Variants in RARB observed in about 807,000 individuals in gnomAD.
RARB encodes the protein HBV-activated protein.
RARB carries 17 observed loss-of-function variants against 51.9 expected under a neutral mutation model. The ratio of observed to expected loss-of-function variants is 0.33; its 90% CI spans 0.22 to 0.49. The LOEUF (loss-of-function observed/expected upper bound fraction) is 0.49, where lower values mean the gene tolerates loss of function less well. RARB is among the 20% of genes least tolerant of loss of function. The pLI, the probability that RARB is intolerant of heterozygous loss-of-function variation, is 0.99. For missense variants in RARB, 369 were observed against 550.8 expected (o/e 0.67, Z 3.30); for synonymous variants, 215 against 195.4 (o/e 1.10, Z -0.84).
chr3:25,435,432 A>G (rs1448985337), intron 1 of RARB, among the ~76,000 whole-genome samples: 1 of 152,226 alleles, frequency 6.6e-6, no homozygotes, highest in African/African-American at 2.4e-5. Flanking sequence ...CAACGGCTAC[A>G]GTACCTTTGT....
chr3:25,410,107 C>G (rs1293800503), intron 5 of RARB, among the ~76,000 whole-genome samples: 1 of 152,162 alleles, frequency 6.6e-6, no homozygotes, highest in African/African-American at 2.4e-5. Flanking sequence ...AGATTTTGTA[C>G]TTTGGCCAAA....
At chr3:25,036,356 T>C (rs997004921) in intron 2 of RARB, among the ~76,000 whole-genome samples, 2 of 152,168 alleles carry the variant, frequency 1.3e-5, no homozygotes, top group African/African-American at 4.8e-5. Context: ...CATATGTCTG[T>C]AGCGCCAAAT....
At chr3:25,173,803 A>G (rs1700690691) in intron 4 of RARB, among the ~76,000 whole-genome samples, 2 of 152,214 alleles carry the variant, frequency 1.3e-5, no homozygotes, top group Non-Finnish European at 2.9e-5. Context: ...AGACAAAAAC[A>G]AACACTCCCA....
In RARB at chr3:25,252,387, A is replaced by G. The variant is rs112531152; in HGVS notation, c.178+77812A>G. On this transcript the variant is annotated intron_variant, in intron 5 of 11. Coordinates refer to the RARB transcript ENST00000383772. ...TCAGCTTGTCAATTTCTGTAAAAAA[A>G]CCAGCTAGGATTTTGATAGGGGTTG... Among the ~76,000 whole-genome samples the G allele has an allele frequency of 2.8e-3, 427 of 152,270 alleles. 3 individuals are homozygous for G. Among genetic ancestry groups the G allele is most frequent in the African/African-American group, 9.9e-3 (412 of 41,586 alleles).
At chr3:25,120,378 C>T (rs1159610497) in intron 3 of RARB, among the ~76,000 whole-genome samples, 4 of 152,078 alleles carry the variant, frequency 2.6e-5, no homozygotes, top group Non-Finnish European at 5.9e-5. Context: ...AGAGTAAAGC[C>T]ATGTCCTCCA....
At chr3:25,516,828 T>C (rs1347861654) in intron 3 of RARB, among the ~76,000 whole-genome samples, 5 of 152,172 alleles carry the variant, frequency 3.3e-5, no homozygotes, top group African/African-American at 1.2e-4. Context: ...GGTTTTGCCA[T>C]GTTGGCCAGG....
At chr3:25,125,288 T>G (rs1439556691) in intron 3 of RARB, among the ~76,000 whole-genome samples, 1 of 152,200 alleles carries the variant, frequency 6.6e-6, no homozygotes, top group Non-Finnish European at 1.5e-5. Flanking sequence ...TTAACACTTT[T>G]GTGTATTCAT....
At chr3:24,867,065 C>G (rs1159468808) in intron 2 of RARB, among the ~76,000 whole-genome samples, 1 of 152,098 alleles carries the variant, frequency 6.6e-6, no homozygotes, top group Non-Finnish European at 1.5e-5. Context: ...AAAGGCCAAG[C>G]TTAGGTTCTA....
intron 2 of RARB, among the ~76,000 whole-genome samples, chr3:24,866,431 T>A (rs183871123): frequency 1.3e-5 from 2 of 152,148 alleles, no homozygotes; most frequent in African/African-American, 4.8e-5. Context: ...TAATGACCCG[T>A]TGTAACACAA....
At chr3:24,991,168 C>T (rs529407854) in intron 2 of RARB, among the ~76,000 whole-genome samples, 85 of 152,306 alleles carry the variant, frequency 5.6e-4, no homozygotes, top group African/African-American at 2.0e-3. Flanking sequence ...GGGTTAGGCA[C>T]GGTGACTCAC....
At chr3:25,254,980 C>T (rs759433818) in intron 5 of RARB, among the ~76,000 whole-genome samples, 1 of 152,154 alleles carries the variant, frequency 6.6e-6, no homozygotes, top group African/African-American at 2.4e-5. Context: ...CAGTACCTGA[C>T]ACCTACGACA....
At chr3:25,522,282 C>G (rs1221449486) in intron 3 of RARB, among the ~76,000 whole-genome samples, 1 of 152,036 alleles carries the variant, frequency 6.6e-6, no homozygotes, top group East Asian at 1.9e-4. Context: ...TTTCTATGTC[C>G]CTTGCCAGTA....
At chr3:25,559,723 G>C (rs548189195) in intron 3 of RARB, among the ~76,000 whole-genome samples, 1 of 152,272 alleles carries the variant, frequency 6.6e-6, no homozygotes, top group South Asian at 2.1e-4. Flanking sequence ...TTGATGAATG[G>C]ACAGAGATAG....
At chr3:24,874,306 G>A (rs1393161276) in intron 2 of RARB, among the ~76,000 whole-genome samples, 2 of 151,994 alleles carry the variant, frequency 1.3e-5, no homozygotes, top group Non-Finnish European at 2.9e-5. Flanking sequence ...AATATATACT[G>A]TTTTGTGCTA....
chr3:24,938,867 G>A (rs1345325939), intron 2 of RARB, among the ~76,000 whole-genome samples: 1 of 152,060 alleles, frequency 6.6e-6, no homozygotes, highest in African/African-American at 2.4e-5. Flanking sequence ...TGTTTTCAAG[G>A]CTCATCAATG....
intron 1 of RARB, among the ~76,000 whole-genome samples, chr3:25,459,620 C>T (rs190916867): frequency 4.2e-4 from 64 of 152,056 alleles, no homozygotes; most frequent in African/African-American, 1.4e-3. Context: ...TTGTGAGAGG[C>T]GATGGTGGAT....
At chr3:24,830,343 G>A (rs1157883298) in intron 1 of RARB, among the ~76,000 whole-genome samples, 2 of 151,066 alleles carry the variant, frequency 1.3e-5, no homozygotes, top group Non-Finnish European at 3.0e-5. Flanking sequence ...TCCCGGAGGT[G>A]GGGGTGGGGG....
At chr3:25,547,380 A>G (rs1699659375) in intron 3 of RARB, among the ~76,000 whole-genome samples, 1 of 152,222 alleles carries the variant, frequency 6.6e-6, no homozygotes, top group Admixed American at 6.5e-5. Flanking sequence ...ATTTCAGCAG[A>G]CTAATGGATG....
At chr3:24,997,165 A>G (rs2125272971) in intron 2 of RARB, among the ~76,000 whole-genome samples, 1 of 152,232 alleles carries the variant, frequency 6.6e-6, no homozygotes, top group South Asian at 2.1e-4. Flanking sequence ...ATGTATTTAT[A>G]ATTGTTATGT....
Sources: gnomAD v4.1 joint callset for allele counts (sites outside exome capture counted in the v4.1 genomes callset) on GRCh38, gnomAD v4.1.1 for gene constraint, MANE v1.5 for transcripts, NCBI Gene and HGNC (gene_info 2026-07-23, HGNC 2026-07-21) for gene names.